The following CALD1 variants were observed in gnomAD, a reference collection of about 807,000 sequenced individuals.
The protein encoded by CALD1 is caldesmon.
Under a neutral mutation model 99.9 loss-of-function variants are expected in CALD1, and 33 were observed. The observed-to-expected ratio is 0.33, with a 90% CI of 0.25 to 0.44. The LOEUF (loss-of-function observed/expected upper bound fraction) is 0.44, where lower values mean the gene tolerates loss of function less well. Ranked by LOEUF, CALD1 falls within the 20% of genes least tolerant of loss-of-function variation. The probability of loss-of-function intolerance (pLI) is 1.00; values close to 1 mark genes in which losing one functional copy is unlikely to be tolerated. For missense variants in CALD1, 861 were observed against 962.1 expected, an observed-to-expected ratio of 0.89 and a Z score of 1.39; for synonymous variants, 310 against 325.0, an observed-to-expected ratio of 0.95 and a Z score of 0.50.
chr7:134,748,806 A>G (rs1045062459), intron 1 of CALD1, among the ~76,000 whole-genome samples: 1 of 149,000 alleles, frequency 6.7e-6, no homozygotes, highest in Non-Finnish European at 1.5e-5. Flanking sequence ...TTTCTCCTCC[A>G]AAATTCATGT....
intron 1 of CALD1, among the ~76,000 whole-genome samples, chr7:134,763,905 G>A (rs1796801200): frequency 7.2e-6 from 1 of 138,156 alleles, no homozygotes; most frequent in Admixed American, 7.5e-5. Flanking sequence ...GTGACAGGGC[G>A]AGACTCCATC....
intron 1 of CALD1, among the ~76,000 whole-genome samples, chr7:134,752,743 G>A (rs1050145048): frequency 1.1e-4 from 16 of 152,144 alleles, no homozygotes; most frequent in African/African-American, 3.9e-4. Context: ...GCTCACACCT[G>A]TAATCCCAGC....
Position 134,900,405 on chromosome 7 carries a change from G to T in CALD1, c.72-28349G>T, listed in dbSNP as rs114761558. Among the ~76,000 whole-genome samples, 233 of 152,212 alleles carry T rather than the reference G, an allele frequency of 1.5e-3. 2 individuals carry two copies. The highest frequency in any genetic ancestry group is 5.3e-3 in the African/African-American group (219 of 41,484). ...AGTAAGCTGAAGCCCAGAGGGGTTA[G>T]GTACATTGGACTGGAAGCAGAAGGG... is the stretch of plus-strand genomic sequence containing the variant. On this transcript the variant is annotated intron_variant, in intron 3 of 14. Coordinates refer to ENST00000361675, the MANE Select transcript of CALD1 (RefSeq NM_033138.4).
intron 1 of CALD1, among the ~76,000 whole-genome samples, chr7:134,761,512 A>G (rs1354455513): frequency 6.6e-6 from 1 of 152,248 alleles, no homozygotes; most frequent in African/African-American, 2.4e-5. Context: ...TGTGCTGATA[A>G]CATAGCTAAC....
intron 1 of CALD1, among the ~76,000 whole-genome samples, chr7:134,752,901 T>C (rs1162737563): frequency 6.6e-6 from 1 of 150,748 alleles, no homozygotes; most frequent in Admixed American, 6.6e-5. Context: ...TCCCAGCTAC[T>C]CAGGAGGCTG....
chr7:134,920,877 ATCTGAATGGAGTCC>A (rs1431022504), intron 3 of CALD1, among the ~76,000 whole-genome samples: 5 of 152,216 alleles, frequency 3.3e-5, no homozygotes, highest in African/African-American at 7.2e-5. Context: ...GGAAACTTTG[ATCTGAATGGAGTCC>A]TCTTTAAGTC....
intron 3 of CALD1, among the ~76,000 whole-genome samples, chr7:134,904,103 A>G (rs1803195538): frequency 6.6e-6 from 1 of 151,936 alleles, no homozygotes; most frequent in Non-Finnish European, 1.5e-5. Context: ...CATGCCTGTA[A>G]TCCCAGCTAC....
upstream of CALD1, among the ~76,000 whole-genome samples, chr7:134,739,354 C>G (rs772640382): frequency 1.3e-5 from 2 of 152,138 alleles, no homozygotes; most frequent in Non-Finnish European, 2.9e-5. Context: ...GAATTAGAAC[C>G]TAGGTCTTAT....
chr7:134,927,619 T>C (rs945142170), intron 3 of CALD1, among the ~76,000 whole-genome samples: 3 of 150,270 alleles, frequency 2.0e-5, no homozygotes, highest in African/African-American at 7.3e-5. Flanking sequence ...GTGTCTCTTC[T>C]GCCTTCTTCA....
intron 1 of CALD1, among the ~76,000 whole-genome samples, chr7:134,825,727 GT>G (rs2132036275): frequency 6.6e-6 from 1 of 152,152 alleles, no homozygotes; most frequent in South Asian, 2.1e-4. Flanking sequence ...ATAAAAAATT[GT>G]TTTGACCCTT....
chr7:134,829,602 C>A (rs1423517171), intron 1 of CALD1, among the ~76,000 whole-genome samples: 1 of 151,930 alleles, frequency 6.6e-6, no homozygotes, highest in Non-Finnish European at 1.5e-5. Flanking sequence ...GAGAGAGGCA[C>A]AAGAGGAAGC....
rs767743452 is a variant in CALD1 at position 134,947,704 on chromosome 7, A to G, written c.1729A>G (p.Lys577Glu). 1 of 1,611,842 alleles carries G rather than the reference A, an allele frequency of 6.2e-7. No homozygotes were observed. The highest frequency in any genetic ancestry group is 1.3e-5 in the African/African-American group (1 of 74,984). The change falls in exon 8 of 15, where the codon AAG (lysine) becomes GAG (glutamate). Residue 577 changes from lysine (K) to glutamate (E), a missense_variant. Around this residue, in one of 5 missense-constraint regions of CALD1, gnomAD observed 293 missense variants for 262.7 expected, o/e 1.12. Coordinates refer to ENST00000361675, the MANE Select transcript of CALD1 (RefSeq NM_033138.4). ...ELKKKREERRKVLEEEEQRRK... is the reference protein window; with the variant it reads ...ELKKKREERREVLEEEEQRRK... ...CAAGAAAAAGAGGGAGGAGAGAAGG[A>G]AGGTCCTGGAGGAGGAAGAGCAGAG...
chr7:134,829,925 G>C (rs1465574967), intron 1 of CALD1, among the ~76,000 whole-genome samples: 1 of 152,190 alleles, frequency 6.6e-6, no homozygotes, highest in Non-Finnish European at 1.5e-5. Flanking sequence ...ATTTACTGTA[G>C]AGGGAGTAAC....
At chr7:134,718,665 A>G in the CALD1 span, among the ~76,000 whole-genome samples, 1 of 152,180 alleles carries the variant, frequency 6.6e-6, no homozygotes, top group African/African-American at 2.4e-5. Context: ...TTTTAAAATT[A>G]GAGTAAATTA....
the CALD1 span, among the ~76,000 whole-genome samples, chr7:134,719,614 G>A: frequency 6.6e-6 from 1 of 152,198 alleles, no homozygotes; most frequent in Non-Finnish European, 1.5e-5. Context: ...GGATAGGAGA[G>A]ATTTCTCCAA....
intron 1 of CALD1, chr7:134,809,692 GAA>G: frequency 6.6e-6 from 1 of 152,258 alleles, no homozygotes. Flanking sequence ...TTTCCAACAT[GAA>G]AAGAGAGGTT....
At position 134,895,600 on chromosome 7, in the gene CALD1, G is replaced by A. The variant is rs143553253; in HGVS notation, c.71+27796G>A. Among the ~76,000 whole-genome samples, 96 of 152,184 alleles carry A rather than the reference G, an allele frequency of 6.3e-4. No homozygotes were observed. The Middle Eastern group carries it at 0.01, about 16-fold the overall frequency. ...TCTGCCTGTCATGGTCCCGCTCCCT[G>A]TTCTGCTGTAGCCAAGAGTAACAGG... On this transcript the variant is annotated intron_variant, in intron 3 of 14. Transcript: ENST00000361675.
intron 4 of CALD1, among the ~76,000 whole-genome samples, chr7:134,931,908 C>T: frequency 6.6e-6 from 1 of 152,178 alleles, no homozygotes; most frequent in Admixed American, 6.5e-5. Flanking sequence ...ACGCTGGCTG[C>T]TATAACGATT....
At chr7:134,784,199 T>C (rs1797218243) in intron 1 of CALD1, among the ~76,000 whole-genome samples, 1 of 152,234 alleles carries the variant, frequency 6.6e-6, no homozygotes, top group Admixed American at 6.5e-5. Context: ...TCTGGCATTG[T>C]TTTGTGAATA....
Sources: gnomAD v4.1 joint callset for allele counts (sites outside exome capture counted in the v4.1 genomes callset) on GRCh38, gnomAD v4.1.1 for gene constraint, gnomAD v4.1.1 regional missense constraint, MANE v1.5 for transcripts, NCBI Gene and HGNC (gene_info 2026-07-23, HGNC 2026-07-21) for gene names.